Variants in MYT1L observed in about 807,000 individuals in gnomAD.
MYT1L encodes myelin transcription factor 1-like protein.
A neutral mutation model predicts 126.7 loss-of-function variants in MYT1L; 12 were observed. That is an observed-to-expected ratio of 0.09 (90% CI 0.06 to 0.15). The LOEUF is 0.15. MYT1L is among the 10% of genes least tolerant of loss of function. The pLI is 1.00. For synonymous variants in MYT1L, 541 were observed against 604.2 expected (o/e 0.90, Z 1.53); for missense variants, 979 against 1,585.2 (o/e 0.62, Z 6.49).
intron 2 of MYT1L, among the ~76,000 whole-genome samples, chr2:2,201,447 C>G (rs1249689521): frequency 1.3e-5 from 2 of 152,076 alleles, no homozygotes; most frequent in African/African-American, 4.8e-5. Context: ...TGCTTGTAAT[C>G]TCATCACTTT....
intron 9 of MYT1L, among the ~76,000 whole-genome samples, chr2:1,939,892 G>A (rs139546092): frequency 1.5e-4 from 23 of 152,344 alleles, no homozygotes; most frequent in African/African-American, 4.8e-4. Context: ...GAAAGCCTTC[G>A]TGAGCGTGTC....
chr2:2,067,280 T>G (rs565104135), intron 3 of MYT1L, among the ~76,000 whole-genome samples: 65 of 152,336 alleles, frequency 4.3e-4, no homozygotes, highest in African/African-American at 1.3e-3. Flanking sequence ...GGCCTATGAA[T>G]ATTGCATGAG....
chr2:2,154,234 A>T (rs72767399), intron 3 of MYT1L, among the ~76,000 whole-genome samples: 8 of 152,146 alleles, frequency 5.3e-5, no homozygotes, highest in African/African-American at 1.9e-4. Context: ...TCTTAGTCCC[A>T]GGATTTGAAA....
At chr2:2,286,898 G>A (rs184427932) in intron 1 of MYT1L, among the ~76,000 whole-genome samples, 17 of 152,300 alleles carry the variant, frequency 1.1e-4, no homozygotes, top group Non-Finnish European at 1.2e-4. Flanking sequence ...TCAAAGCGAT[G>A]TCACTAGGTT....
chr2:1,887,696 T>G lies in MYT1L; in HGVS notation c.2521-87A>C, dbSNP rs1262224562. The G allele has an allele frequency of 6.6e-7, 1 of 1,522,032 alleles. No individual in the cohort carries two copies. The highest frequency in any genetic ancestry group is 9.1e-7 in the Non-Finnish European group (1 of 1,103,412). 94.3% of individuals were successfully genotyped at this position (1,522,032 alleles called of 1,614,324 possible). ...GGTGGTTCGTGGCTCTGGGGTGGCC[T>G]CTACATCTTACACCTCTTTCTGCTG... On this transcript the variant is annotated intron_variant, in intron 16 of 24. Coordinates refer to ENST00000647738, the MANE Select transcript of MYT1L (RefSeq NM_001303052.2). The surrounding 1 kb of genome is among the most constrained non-coding windows in gnomAD (Gnocchi z 4.8).
Position 1,938,641 on chromosome 2 carries a change from T to C in MYT1L, c.505+4341A>G, listed in dbSNP as rs558664383. ...AAGGAAAACCATGCAAAGTGTTTGATTACCTATCCCCCACCTACAGAAAAT... is the reference window on the plus strand; with the variant it reads ...AAGGAAAACCATGCAAAGTGTTTGACTACCTATCCCCCACCTACAGAAAAT... On this transcript the variant is annotated intron_variant, in intron 9 of 24. Coordinates refer to ENST00000647738, the MANE Select transcript of MYT1L (RefSeq NM_001303052.2). Among the ~76,000 whole-genome samples the C allele has an allele frequency of 3.3e-5, 5 of 152,320 alleles. No homozygotes were observed. The South Asian group carries it at 1.0e-3, about 32-fold the overall frequency.
intron 13 of MYT1L, among the ~76,000 whole-genome samples, chr2:1,906,325 TG>T (rs1167291572): frequency 6.6e-6 from 1 of 152,218 alleles, no homozygotes; most frequent in African/African-American, 2.4e-5. Context: ...AATAGCAGAA[TG>T]ATATTGAAAT....
chr2:2,177,197 GA>G (rs2090904827), intron 2 of MYT1L, among the ~76,000 whole-genome samples: 1 of 152,202 alleles, frequency 6.6e-6, no homozygotes. Flanking sequence ...TTGGCAGTGT[GA>G]ATGAAAATTT....
At chr2:2,100,249 ACAGAAG>A in intron 3 of MYT1L, among the ~76,000 whole-genome samples, 1 of 152,164 alleles carries the variant, frequency 6.6e-6, no homozygotes, top group Non-Finnish European at 1.5e-5. Flanking sequence ...AACTTCAAGG[ACAGAAG>A]CGGGCACCAG....
At chr2:2,266,674 T>G (rs1349044728) in intron 2 of MYT1L, among the ~76,000 whole-genome samples, 1 of 152,138 alleles carries the variant, frequency 6.6e-6, no homozygotes, top group East Asian at 1.9e-4. Flanking sequence ...CATCTTGAAT[T>G]GTAGCTCCCA....
chr2:2,268,235 T>C (rs1432910786), intron 2 of MYT1L, among the ~76,000 whole-genome samples: 1 of 152,182 alleles, frequency 6.6e-6, no homozygotes, highest in African/African-American at 2.4e-5. Context: ...TGAGGGCTAA[T>C]GAAAAGTATG....
chr2:2,210,524 A>G (rs936053458), intron 2 of MYT1L, among the ~76,000 whole-genome samples: 1 of 152,172 alleles, frequency 6.6e-6, no homozygotes, highest in Non-Finnish European at 1.5e-5. Flanking sequence ...TTTGTCAAAA[A>G]TGAGTTCACT....
At chr2:2,101,779 T>C (rs961172714) in intron 3 of MYT1L, among the ~76,000 whole-genome samples, 1 of 152,234 alleles carries the variant, frequency 6.6e-6, no homozygotes, top group Non-Finnish European at 1.5e-5. Flanking sequence ...TATCCATTGA[T>C]AGAGGTGTTG....
At chr2:2,151,677 A>G (rs192772342) in intron 3 of MYT1L, among the ~76,000 whole-genome samples, 17 of 152,356 alleles carry the variant, frequency 1.1e-4, no homozygotes, top group Admixed American at 4.6e-4. Context: ...CTATATATAC[A>G]TACCTAGGAT....
intron 8 of MYT1L, among the ~76,000 whole-genome samples, chr2:1,959,203 G>A (rs1370062080): frequency 6.6e-6 from 1 of 152,214 alleles, no homozygotes; most frequent in Non-Finnish European, 1.5e-5. Flanking sequence ...TGGAGAGTTT[G>A]AGAAGCCATG....
At chr2:2,301,869 AT>A (rs1251990838) in intron 1 of MYT1L, among the ~76,000 whole-genome samples, 4 of 151,746 alleles carry the variant, frequency 2.6e-5, no homozygotes, top group Non-Finnish European at 5.9e-5. Context: ...ATATGGTCAT[AT>A]CATAGAGATT....
intron 3 of MYT1L, among the ~76,000 whole-genome samples, chr2:2,121,062 C>T (rs768996729): frequency 2.0e-5 from 3 of 152,206 alleles, no homozygotes; most frequent in Admixed American, 2.0e-4. Context: ...AGGAGGTGCC[C>T]CCCAGCCCGT....
At chr2:2,073,984 T>G (rs1302174660) in intron 3 of MYT1L, among the ~76,000 whole-genome samples, 1 of 152,156 alleles carries the variant, frequency 6.6e-6, no homozygotes, top group Non-Finnish European at 1.5e-5. Context: ...CACAAGACTC[T>G]CGAGGCCCTG....
intron 3 of MYT1L, among the ~76,000 whole-genome samples, chr2:2,154,498 T>C (rs1255688843): frequency 2.0e-5 from 3 of 152,156 alleles, no homozygotes; most frequent in Non-Finnish European, 1.5e-5. Context: ...ACTATGCAGC[T>C]ATAAAAAGAA....
Sources: allele counts gnomAD v4.1 joint callset (sites outside exome capture counted in the v4.1 genomes callset), GRCh38; gene constraint gnomAD v4.1.1; non-coding constraint Gnocchi (gnomAD v3.1); transcripts MANE v1.5; gene names NCBI Gene and HGNC (gene_info 2026-07-23, HGNC 2026-07-21).